ASCC3: variants seen among roughly 807,000 people sequenced by gnomAD.
ASCC3 encodes ASC-1 complex subunit P200.
ASCC3 carries 158 observed loss-of-function variants against 256.3 expected under a neutral mutation model. The ratio of observed to expected loss-of-function variants is 0.62; its 90% confidence interval spans 0.54 to 0.70. ASCC3 has a LOEUF of 0.70. ASCC3 is among the 30% of genes least tolerant of loss of function. ASCC3 has a pLI of 0.00. For synonymous variants in ASCC3, 948 were observed against 883.4 expected, an observed-to-expected ratio of 1.07 and a Z score of -1.30; for missense variants, 2,259 against 2,626.0, an observed-to-expected ratio of 0.86 and a Z score of 3.05.
chr6:100,881,048 T>G lies in ASCC3; in HGVS notation c.-42+13A>C, dbSNP rs1419625317. On this transcript the variant is annotated intron_variant, in intron 1 of 41. Transcript: ENST00000369162. ...CCCTTCTCGTCCTCCCACCTCCACC[T>G]CCACCTCCTCACCTCTCGGCCTGGC... 2 of 152,328 alleles carry G rather than the reference T, an allele frequency of 1.3e-5. No individual in the cohort carries two copies. The highest frequency in any genetic ancestry group is 2.9e-5 in the Non-Finnish European group (2 of 68,124). 9.4% of individuals were successfully genotyped at this position (152,328 alleles called of 1,614,324 possible). A position where few individuals can be genotyped will look rare whatever the true frequency, so the allele number is the denominator to read the frequency against.
At chr6:100,586,952 T>G (rs913719061) in intron 36 of ASCC3, among the ~76,000 whole-genome samples, 3 of 152,172 alleles carry the variant, frequency 2.0e-5, no homozygotes, top group Non-Finnish European at 4.4e-5. Context: ...ACTAAAAATT[T>G]AAAAACTAAA....
At chr6:100,622,754 A>C (rs1158372653) in intron 30 of ASCC3, among the ~76,000 whole-genome samples, 1 of 151,962 alleles carries the variant, frequency 6.6e-6, no homozygotes, top group Non-Finnish European at 1.5e-5. Context: ...AACAGCAGAA[A>C]CCACGAGAGT....
At chr6:100,620,100 C>A (rs568238275) in intron 30 of ASCC3, among the ~76,000 whole-genome samples, 1 of 152,252 alleles carries the variant, frequency 6.6e-6, no homozygotes, top group African/African-American at 2.4e-5. Flanking sequence ...CAGCCAGTAT[C>A]TGAATGTCAC....
intron 8 of ASCC3, among the ~76,000 whole-genome samples, chr6:100,767,926 T>G (rs1462203897): frequency 2.0e-5 from 3 of 152,070 alleles, no homozygotes; most frequent in Non-Finnish European, 4.4e-5. Flanking sequence ...AGAATACAAT[T>G]CTTAAGTAAA....
In ASCC3 at chr6:100,753,743, T is replaced by G. The variant is rs2115099538; in HGVS notation, c.1737+12822A>C. ...GTGATCAAAGAATGTGCTGACATTT[T>G]GAAACAAGCAATCTTATCTGTAATA... is the stretch of plus-strand genomic sequence containing the variant. On this transcript the variant is annotated intron_variant, in intron 10 of 41. Transcript: ENST00000369162. Among the ~76,000 whole-genome samples, 2 of 152,246 alleles carry G rather than the reference T, an allele frequency of 1.3e-5. 1 individual carries two copies. The highest frequency in any genetic ancestry group is 4.1e-4 in the South Asian group (2 of 4,820).
intron 36 of ASCC3, among the ~76,000 whole-genome samples, chr6:100,566,392 C>A (rs1205684613): frequency 1.3e-5 from 2 of 152,126 alleles, no homozygotes; most frequent in Admixed American, 6.6e-5. Flanking sequence ...AATGCAAATA[C>A]CCTTAATAAG....
chr6:100,599,652 T>G (rs1225938025), intron 34 of ASCC3, among the ~76,000 whole-genome samples: 2 of 151,144 alleles, frequency 1.3e-5, no homozygotes, highest in Non-Finnish European at 3.0e-5. Context: ...CAATTTAAAA[T>G]AGAAAGTTCA....
chr6:100,785,064 T>C (rs1355580149), intron 8 of ASCC3, among the ~76,000 whole-genome samples: 1 of 152,128 alleles, frequency 6.6e-6, no homozygotes, highest in Non-Finnish European at 1.5e-5. Flanking sequence ...AGACAGTACA[T>C]GGACACTGTT....
At position 100,649,574 on chromosome 6, in the gene ASCC3, T is replaced by A. The variant is rs189954890; in HGVS notation, c.3252+964A>T. Among the ~76,000 whole-genome samples, 3 of 151,788 alleles carry A rather than the reference T, an allele frequency of 2.0e-5. No homozygotes were observed. The East Asian group carries it at 5.8e-4, about 29-fold the overall frequency. ...TGCATTCAAAATGTTTACCAATATG[T>A]CTTGGTTTGTGTTTGTAAATATTCC... On this transcript the variant is annotated intron_variant, in intron 20 of 41. Transcript: ENST00000369162.
intron 10 of ASCC3, among the ~76,000 whole-genome samples, chr6:100,752,561 G>C (rs750782043): frequency 1.3e-5 from 2 of 152,070 alleles, no homozygotes; most frequent in Non-Finnish European, 2.9e-5. Context: ...AAGTTACTTT[G>C]TCATCCTATG....
At chr6:100,564,152 T>A (rs1770107434) in intron 36 of ASCC3, among the ~76,000 whole-genome samples, 1 of 143,914 alleles carries the variant, frequency 6.9e-6, no homozygotes, top group Non-Finnish European at 1.6e-5. Flanking sequence ...GGTACATGTG[T>A]TTTTTTTTTT....
chr6:100,698,622 C>T (rs1012484704), intron 13 of ASCC3, among the ~76,000 whole-genome samples: 11 of 151,978 alleles, frequency 7.2e-5, no homozygotes, highest in African/African-American at 1.9e-4. Flanking sequence ...TAATTTAATA[C>T]TTCTAATAGA....
intron 36 of ASCC3, among the ~76,000 whole-genome samples, chr6:100,562,399 C>G (rs1770000651): frequency 6.6e-6 from 1 of 152,020 alleles, no homozygotes; most frequent in African/African-American, 2.4e-5. Context: ...TTAGCCTTCT[C>G]ATAGTGGGAA....
chr6:100,853,239 C>T (rs1166699467), intron 3 of ASCC3, among the ~76,000 whole-genome samples: 2 of 152,056 alleles, frequency 1.3e-5, no homozygotes, highest in Non-Finnish European at 2.9e-5. Flanking sequence ...ATCCTCAACA[C>T]ACAATCTACG....
At chr6:100,666,770 G>C (rs79357082) in intron 14 of ASCC3, among the ~76,000 whole-genome samples, 1 of 151,822 alleles carries the variant, frequency 6.6e-6, no homozygotes, top group Non-Finnish European at 1.5e-5. Flanking sequence ...AAGCAACCTC[G>C]TATTTGTTAT....
chr6:100,661,033 G>A (rs1776169219), intron 16 of ASCC3, among the ~76,000 whole-genome samples: 1 of 151,568 alleles, frequency 6.6e-6, no homozygotes, highest in Admixed American at 6.6e-5. Flanking sequence ...ATAGGACTTT[G>A]TACAAAATAA....
At chr6:100,781,930 A>G (rs1157678096) in intron 8 of ASCC3, among the ~76,000 whole-genome samples, 3 of 151,926 alleles carry the variant, frequency 2.0e-5, no homozygotes, top group Admixed American at 1.3e-4. Context: ...TTACATATCT[A>G]TATTTTTATA....
intron 11 of ASCC3, among the ~76,000 whole-genome samples, chr6:100,719,448 A>C (rs1779222549): frequency 6.6e-6 from 1 of 151,734 alleles, no homozygotes; most frequent in Admixed American, 6.6e-5. Context: ...TTGGTTTTAA[A>C]ATCATTTTTT....
chr6:100,608,061 C>CATATATATACATATATATGTATATATCG (rs1562160650), intron 30 of ASCC3, among the ~76,000 whole-genome samples: 236 of 11,338 alleles, frequency 0.021, no homozygotes, highest in African/African-American at 0.046. Flanking sequence ...CATATATACA[C>CATATATATACATATATATGTATATATCG]ATATATATAC....
Sources: gnomAD v4.1 joint callset for allele counts (sites outside exome capture counted in the v4.1 genomes callset) on GRCh38, gnomAD v4.1.1 for gene constraint, MANE v1.5 for transcripts, NCBI Gene and HGNC (gene_info 2026-07-23, HGNC 2026-07-21) for gene names.